The following PTPRD variants were observed in gnomAD, a reference collection of about 807,000 sequenced individuals.
PTPRD encodes the protein protein tyrosine phosphatase receptor type D.
A neutral mutation model predicts 214.5 loss-of-function variants in PTPRD; 34 were observed. That is an observed-to-expected ratio of 0.16 (90% CI 0.12 to 0.21). The LOEUF (loss-of-function observed/expected upper bound fraction) is 0.21, where lower values mean the gene tolerates loss of function less well. Among genes scored for constraint, PTPRD ranks in the 10% least tolerant of loss-of-function variants. The pLI is 1.00. For synonymous variants in PTPRD, 1,128 were observed against 845.7 expected (o/e 1.33, Z -5.79); for missense variants, 2,545 against 2,398.7 (o/e 1.06, Z -1.27).
chr9:8,700,513 G>C (rs773920948), intron 12 of PTPRD: 2 of 152,174 alleles, frequency 1.3e-5, no homozygotes, highest in African/African-American at 2.4e-5. Flanking sequence ...ATTATGATGT[G>C]CTTTTATTAT....
chr9:9,517,383 A>G (rs1322909636), intron 8 of PTPRD, among the ~76,000 whole-genome samples: 1 of 152,110 alleles, frequency 6.6e-6, no homozygotes, highest in East Asian at 1.9e-4. Flanking sequence ...AGATGAGGTA[A>G]TGTGACATAG....
intron 14 of PTPRD, among the ~76,000 whole-genome samples, chr9:8,576,026 C>G (rs749194254): frequency 6.6e-6 from 1 of 152,160 alleles, no homozygotes; most frequent in Non-Finnish European, 1.5e-5. Context: ...TAAATCCCCA[C>G]ATGTTGTAAT....
intron 9 of PTPRD, among the ~76,000 whole-genome samples, chr9:9,261,909 C>T (rs1467043531): frequency 7.3e-5 from 11 of 151,516 alleles, no homozygotes; most frequent in African/African-American, 2.4e-4. Flanking sequence ...CTATTATTTT[C>T]CCAGGAAGGC....
chr9:10,312,325 T>G (rs1050860375), intron 3 of PTPRD, among the ~76,000 whole-genome samples: 1 of 152,008 alleles, frequency 6.6e-6, no homozygotes, highest in Non-Finnish European at 1.5e-5. Flanking sequence ...ATTGATTTCT[T>G]AAAATATTGA....
chr9:9,492,586 C>T (rs1322964208), intron 8 of PTPRD, among the ~76,000 whole-genome samples: 1 of 152,036 alleles, frequency 6.6e-6, no homozygotes, highest in Non-Finnish European at 1.5e-5. Context: ...GAAAAAGCAA[C>T]TGACAAAATT....
intron 5 of PTPRD, chr9:9,800,567 T>C (rs535883273): frequency 6.6e-6 from 1 of 152,284 alleles, no homozygotes; most frequent in East Asian, 1.9e-4. Context: ...GAGAACGGAT[T>C]ATTTGAAATT....
intron 8 of PTPRD, among the ~76,000 whole-genome samples, chr9:9,517,171 T>G (rs1482477867): frequency 6.6e-6 from 1 of 152,090 alleles, no homozygotes; most frequent in East Asian, 1.9e-4. Context: ...TCATAACTTG[T>G]GAGGCACTGT....
At chr9:9,604,673 G>T (rs541958844) in intron 7 of PTPRD, among the ~76,000 whole-genome samples, 1 of 151,958 alleles carries the variant, frequency 6.6e-6, no homozygotes, top group East Asian at 1.9e-4. Flanking sequence ...TACATAGCTC[G>T]TTATGATTAC....
rs180758559 is a variant in PTPRD, at chr9:9,991,401, G to T, written c.-472+42317C>A. 2.4e-4 allele frequency among the ~76,000 whole-genome samples: 36 copies of T among 149,970 alleles called. No individual in the cohort carries two copies. The East Asian group carries it at 6.7e-3, about 28-fold the overall frequency. On this transcript the variant is annotated intron_variant, in intron 4 of 45. Coordinates refer to ENST00000381196, the MANE Select transcript of PTPRD (RefSeq NM_002839.4). ...TTTGAAATGGAGTTTTGTTCTTGTT[G>T]CCCAGGCTGGAGTGCAATGTTGTGA...
intron 11 of PTPRD, among the ~76,000 whole-genome samples, chr9:8,851,929 C>T (rs1232174907): frequency 2.0e-5 from 3 of 152,108 alleles, no homozygotes; most frequent in Admixed American, 2.0e-4. Context: ...AATTCTTTAG[C>T]ATCATCTTAA....
At chr9:9,448,408 G>C (rs188885245) in intron 8 of PTPRD, among the ~76,000 whole-genome samples, 1 of 151,974 alleles carries the variant, frequency 6.6e-6, no homozygotes, top group Non-Finnish European at 1.5e-5. Flanking sequence ...CATGAGATCT[G>C]ATGGTTTCCT....
At chr9:9,757,863 G>C (rs1305951169) in intron 6 of PTPRD, among the ~76,000 whole-genome samples, 2 of 151,862 alleles carry the variant, frequency 1.3e-5, no homozygotes, top group African/African-American at 4.8e-5. Context: ...ATTTTTACCA[G>C]CCTGCCATTA....
chr9:8,818,787 G>A (rs1041385188), intron 11 of PTPRD, among the ~76,000 whole-genome samples: 1 of 152,134 alleles, frequency 6.6e-6, no homozygotes, highest in East Asian at 1.9e-4. Context: ...TTTGGCTTTG[G>A]TAATCACGAT....
At chr9:10,494,406 T>C (rs983569922) in intron 2 of PTPRD, among the ~76,000 whole-genome samples, 11 of 151,930 alleles carry the variant, frequency 7.2e-5, no homozygotes, top group Middle Eastern at 3.4e-3. Flanking sequence ...CATCATTATA[T>C]GTACATAGCT....
At position 8,373,728 on chromosome 9, in the gene PTPRD, T is replaced by G. The variant is rs114925417; in HGVS notation, c.4661+2208A>C. Among the ~76,000 whole-genome samples the G allele has an allele frequency of 4.6e-3, 701 of 151,820 alleles. 5 individuals are homozygous for G. Among genetic ancestry groups the G allele is most frequent in the African/African-American group, 0.016 (668 of 41,398 alleles). On this transcript the variant is annotated intron_variant, in intron 39 of 45. Transcript: ENST00000381196. ...ATTTGCTATTTGCTTGCAAACATTT[T>G]TGTATCTGTCACGGTGCCTAGCATG...
intron 4 of PTPRD, among the ~76,000 whole-genome samples, chr9:9,998,086 G>A (rs1309965329): frequency 7.3e-6 from 1 of 136,202 alleles, no homozygotes; most frequent in Non-Finnish European, 1.5e-5. Context: ...TGCACGCTGT[G>A]CACATGTACC....
chr9:8,680,766 T>C (rs888470868), intron 12 of PTPRD, among the ~76,000 whole-genome samples: 1 of 152,196 alleles, frequency 6.6e-6, no homozygotes, highest in Admixed American at 6.5e-5. Flanking sequence ...AATTATGATA[T>C]GCATCTGTTG....
intron 11 of PTPRD, among the ~76,000 whole-genome samples, chr9:8,944,774 G>T (rs72706297): frequency 6.6e-6 from 1 of 151,854 alleles, no homozygotes; most frequent in African/African-American, 2.4e-5. Context: ...GGTGAAATAA[G>T]GATGATTAAT....
intron 6 of PTPRD, among the ~76,000 whole-genome samples, chr9:9,740,907 T>C (rs756460186): frequency 6.6e-6 from 1 of 152,092 alleles, no homozygotes. Context: ...TTCAACAACA[T>C]AGATGGTAGT....
Sources: allele counts gnomAD v4.1 joint callset (sites outside exome capture counted in the v4.1 genomes callset), GRCh38; gene constraint gnomAD v4.1.1; transcripts MANE v1.5; gene names NCBI Gene and HGNC (gene_info 2026-07-23, HGNC 2026-07-21).